CNTN6: variants seen among roughly 807,000 people sequenced by gnomAD.
CNTN6 encodes contactin-6.
A neutral mutation model predicts 122.8 loss-of-function variants in CNTN6; 137 were observed. That is an observed-to-expected ratio of 1.12 (90% CI 0.97 to 1.29). The LOEUF (loss-of-function observed/expected upper bound fraction) is 1.29. CNTN6 is among the 50% of genes most tolerant of loss of function. The probability of loss-of-function intolerance (pLI) is 0.00; values close to 1 mark genes in which losing one functional copy is unlikely to be tolerated. For missense variants in CNTN6, 1,634 were observed against 1,223.4 expected, an observed-to-expected ratio of 1.34 and a Z score of -5.01; for synonymous variants, 570 against 426.0, an observed-to-expected ratio of 1.34 and a Z score of -4.16.
At chr3:1,279,590 A>C (rs1693012907) in intron 5 of CNTN6, among the ~76,000 whole-genome samples, 1 of 152,226 alleles carries the variant, frequency 6.6e-6, no homozygotes, top group East Asian at 1.9e-4. Flanking sequence ...TGAAGCCAAT[A>C]TTCAAATCCA....
chr3:1,232,579 C>A (rs1190205316), intron 4 of CNTN6, among the ~76,000 whole-genome samples: 1 of 152,190 alleles, frequency 6.6e-6, no homozygotes, highest in Non-Finnish European at 1.5e-5. Context: ...CTGAGAGTAT[C>A]ATGATCTTCA....
Position 1,142,966 on chromosome 3 carries a change from GTGTATATATATATATATA to G in CNTN6, c.-82-4959_-82-4942del, listed in dbSNP as rs1559388845. On this transcript the variant is annotated intron_variant, in intron 1 of 22. Transcript: ENST00000446702. ...GATACATATAAATTTGTGTGTGTGTGTGTATATATATATATATATATATATATATATATATATGTATAT... is the reference window on the plus strand; with the variant it reads ...GATACATATAAATTTGTGTGTGTGTGTATATATATATATATATATGTATAT... Among the ~76,000 whole-genome samples, 7 of 96,628 alleles carry G rather than the reference GTGTATATATATATATATA, an allele frequency of 7.2e-5. No homozygotes were observed. In the East Asian group the frequency reaches 1.1e-3, roughly 15 times the overall value. The allele number at this position is 96,628 out of a possible 152,430, so 63.4% of individuals were successfully genotyped here.
chr3:1,403,126 CT>C (rs1343901708), intron 22 of CNTN6, among the ~76,000 whole-genome samples, 191 bp from the exon 23 acceptor site: 1 of 152,176 alleles, frequency 6.6e-6, no homozygotes, highest in Admixed American at 6.6e-5. Context: ...CATTTTTATA[CT>C]TAAATCAGAT....
chr3:1,370,585 T>C (rs1420591047), intron 12 of CNTN6, among the ~76,000 whole-genome samples: 1 of 152,170 alleles, frequency 6.6e-6, no homozygotes, highest in African/African-American at 2.4e-5. Context: ...GTGCAGTGAT[T>C]AACGCCTGTA....
At chr3:1,279,851 G>C (rs1467872771) in intron 5 of CNTN6, among the ~76,000 whole-genome samples, 2 of 152,136 alleles carry the variant, frequency 1.3e-5, no homozygotes, top group Non-Finnish European at 2.9e-5. Flanking sequence ...CTAATTCAAA[G>C]TTAACAATAT....
chr3:1,173,792 C>A (rs943236077), intron 2 of CNTN6, among the ~76,000 whole-genome samples: 4 of 142,910 alleles, frequency 2.8e-5, no homozygotes, highest in Non-Finnish European at 4.6e-5. Context: ...AAAAAAAAAA[C>A]TAAAATAATG....
rs766923047 is a variant in CNTN6, at chr3:1,385,650, G to A, written c.2557G>A (p.Gly853Ser). ...AGATGACTCCAAAGAATCCATGATAGGTAAAATTAGAGTCAGTGGAAATGT... is the reference window on the plus strand; with the variant it reads ...AGATGACTCCAAAGAATCCATGATAAGTAAAATTAGAGTCAGTGGAAATGT... ...WTDDSKESMI[G>S]KIRVSGNVTT... Residue 853 changes from glycine (G) to serine (S), a missense_variant, in exon 20 of 23, where the codon GGT (glycine) becomes AGT (serine). Coordinates refer to ENST00000446702, the MANE Select transcript of CNTN6 (RefSeq NM_001289080.2). 1 of 1,613,964 alleles carries A rather than the reference G, an allele frequency of 6.2e-7. No homozygotes were observed. Among genetic ancestry groups the A allele is most frequent in the Non-Finnish European group, 8.5e-7 (1 of 1,179,890 alleles).
chr3:1,344,185 G>A (rs554975486), intron 11 of CNTN6, among the ~76,000 whole-genome samples: 1 of 152,232 alleles, frequency 6.6e-6, no homozygotes, highest in East Asian at 1.9e-4. Context: ...TCTTGGTGGG[G>A]TTCCGCAGGA....
In CNTN6 at chr3:1,352,493, T is replaced by C. The variant is rs1443244073; in HGVS notation, c.1492+42T>C. 2.5e-6 allele frequency: 4 copies of C among 1,603,150 alleles called. No individual in the cohort carries two copies. In the African/African-American group the frequency reaches 5.4e-5, roughly 22 times the overall value. ...ATTTGTGCTTGATGAACATTGTAAATATGCAGGCATATTATGACTTGTGTT... is the reference window on the plus strand; with the variant it reads ...ATTTGTGCTTGATGAACATTGTAAACATGCAGGCATATTATGACTTGTGTT... On this transcript the variant is annotated intron_variant, in intron 12 of 22. Transcript: ENST00000446702.
chr3:1,145,113 T>C (rs1281877677), intron 1 of CNTN6, among the ~76,000 whole-genome samples: 1 of 152,110 alleles, frequency 6.6e-6, no homozygotes, highest in Non-Finnish European at 1.5e-5. Context: ...TAGCAAACTG[T>C]CCATGAAGGG....
intron 3 of CNTN6, among the ~76,000 whole-genome samples, chr3:1,222,397 G>A (rs1177613425): frequency 6.6e-6 from 1 of 152,168 alleles, no homozygotes; most frequent in African/African-American, 2.4e-5. Context: ...CTAGGGGTTA[G>A]TAGAGAAAGA....
At chr3:1,374,139 A>G (rs1709526901) in intron 16 of CNTN6, 66 bp downstream of exon 16, 2 of 1,363,602 alleles carry the variant, frequency 1.5e-6, no homozygotes, top group Admixed American at 2.1e-5. Context: ...AAACAAAACA[A>G]GTATTTTTAT....
chr3:1,315,257 C>A (rs935301023), intron 7 of CNTN6, among the ~76,000 whole-genome samples: 8 of 151,960 alleles, frequency 5.3e-5, no homozygotes, highest in Non-Finnish European at 1.2e-4. Context: ...GCAAAACGAA[C>A]TCCTAGTAAA....
At chr3:1,399,165 A>G (rs948819246) in intron 20 of CNTN6, among the ~76,000 whole-genome samples, 2 of 152,116 alleles carry the variant, frequency 1.3e-5, no homozygotes, top group African/African-American at 4.8e-5. Context: ...TTTTCTCTGT[A>G]TTGATTATAT....
At chr3:1,226,609 A>G (rs2094287199) in intron 3 of CNTN6, among the ~76,000 whole-genome samples, 1 of 152,146 alleles carries the variant, frequency 6.6e-6, no homozygotes, top group African/African-American at 2.4e-5. Context: ...CCAGTTTCTT[A>G]CCATTAGATC....
intron 8 of CNTN6, among the ~76,000 whole-genome samples, chr3:1,325,380 G>A (rs988682009): frequency 6.6e-6 from 1 of 151,850 alleles, no homozygotes; most frequent in Non-Finnish European, 1.5e-5. Context: ...TTGTAATTGT[G>A]TCTGAAACAG....
intron 1 of CNTN6, among the ~76,000 whole-genome samples, chr3:1,129,881 A>T (rs1245048038): frequency 1.3e-5 from 2 of 151,966 alleles, no homozygotes; most frequent in Non-Finnish European, 2.9e-5. Flanking sequence ...ATTCATTTGT[A>T]TAAAATAGTT....
intron 12 of CNTN6, among the ~76,000 whole-genome samples, chr3:1,358,646 C>G: frequency 6.6e-6 from 1 of 152,078 alleles, no homozygotes; most frequent in Non-Finnish European, 1.5e-5. Flanking sequence ...TCAAACTTAG[C>G]CTTATCCTCT....
In CNTN6 at chr3:1,348,157, C is replaced by CAAAAAAAAA. The variant is rs532282828; in HGVS notation, c.1365-4156_1365-4148dup. Among the ~76,000 whole-genome samples the CAAAAAAAAA allele has an allele frequency of 6.4e-4, 41 of 64,282 alleles. 4 individuals carry two copies. Among genetic ancestry groups the CAAAAAAAAA allele is most frequent in the African/African-American group, 1.7e-3 (25 of 14,596 alleles). 42.2% of individuals were successfully genotyped at this position (64,282 alleles called of 152,430 possible). On this transcript the variant is annotated intron_variant, in intron 11 of 22. Coordinates refer to ENST00000446702, the MANE Select transcript of CNTN6 (RefSeq NM_001289080.2). ...AATATTAGTATTTCTATGCTATAGA[C>CAAAAAAAAA]AAAAAAAAAAAAAAAAAAAGGACTT...
Sources: allele counts gnomAD v4.1 joint callset (sites outside exome capture counted in the v4.1 genomes callset), GRCh38; gene constraint gnomAD v4.1.1; transcripts MANE v1.5; gene names NCBI Gene and HGNC (gene_info 2026-07-23, HGNC 2026-07-21).